Variants in KLHL2 observed in about 807,000 individuals in gnomAD.
KLHL2 encodes the protein kelch like family member 2, also known as kelch-like protein 2.
Under a neutral mutation model 75.8 loss-of-function variants are expected in KLHL2, and 15 were observed. That is an observed-to-expected ratio of 0.20 (90% CI 0.13 to 0.30). The LOEUF (loss-of-function observed/expected upper bound fraction) is 0.30. Ranked by LOEUF, KLHL2 falls within the 10% of genes least tolerant of loss-of-function variation. The pLI, the probability that KLHL2 is intolerant of heterozygous loss-of-function variation, is 1.00. For synonymous variants in KLHL2, 214 were observed against 251.9 expected, an observed-to-expected ratio of 0.85 and a Z score of 1.42; for missense variants, 381 against 741.0, an observed-to-expected ratio of 0.51 and a Z score of 5.64.
intron 5 of KLHL2, among the ~76,000 whole-genome samples, chr4:165,269,719 G>A (rs6847718): frequency 2.4e-4 from 36 of 151,290 alleles, no homozygotes; most frequent in African/African-American, 8.0e-4. Context: ...TGGGTAACCC[G>A]ACCTTTCTCT....
intron 4 of KLHL2, among the ~76,000 whole-genome samples, chr4:165,249,499 A>C (rs956112494): frequency 2.6e-5 from 4 of 151,648 alleles, no homozygotes; most frequent in African/African-American, 7.3e-5. Flanking sequence ...AAGTCTTACC[A>C]AACTGGCATC....
intron 4 of KLHL2, 81 bp downstream of exon 4, chr4:165,238,980 A>T: frequency 6.7e-7 from 1 of 1,503,676 alleles, no homozygotes; most frequent in South Asian, 1.4e-5. Flanking sequence ...CACAGTATAC[A>T]ATTTGCACCA....
chr4:165,279,705 G>T (rs1425656246), intron 5 of KLHL2: 34 of 1,355,922 alleles, frequency 2.5e-5, no homozygotes, highest in Non-Finnish European at 3.3e-5. Flanking sequence ...GGCGGCGGGA[G>T]GGGGAGGGGA....
chr4:165,314,003 A>T lies in KLHL2; in HGVS notation c.1469-23A>T, dbSNP rs761802278. The T allele has an allele frequency of 3.1e-6, 5 of 1,600,756 alleles. No homozygotes were observed. The East Asian group carries it at 9.0e-5, about 29-fold the overall frequency. On this transcript the variant is annotated intron_variant, in intron 12 of 14. Coordinates refer to ENST00000226725, the MANE Select transcript of KLHL2 (RefSeq NM_007246.4). ...AATCTCTTGTTCTTTTTGCCCCTCTATTTGGCTGGTTGTGTTTTATAGGTG... is the reference window on the plus strand; with the variant it reads ...AATCTCTTGTTCTTTTTGCCCCTCTTTTTGGCTGGTTGTGTTTTATAGGTG...
intron 1 of KLHL2, among the ~76,000 whole-genome samples, chr4:165,218,676 T>C (rs921004140): frequency 3.9e-5 from 6 of 152,212 alleles, no homozygotes; most frequent in Non-Finnish European, 5.9e-5. Context: ...TTCACTGATA[T>C]ATTCCAAGTG....
Position 165,311,976 on chromosome 4 carries a change from G to A in KLHL2, c.1339+411G>A, listed in dbSNP as rs139738921. ...AGACAATTTTTCCATGGACAGGGGT[G>A]GGTTGGGGGGATGGTTTTGGGATGA... On this transcript the variant is annotated intron_variant, in intron 11 of 14. Coordinates refer to ENST00000226725, the MANE Select transcript of KLHL2 (RefSeq NM_007246.4). Among the ~76,000 whole-genome samples, 892 of 152,224 alleles carry A rather than the reference G, an allele frequency of 5.9e-3. 10 individuals are homozygous for A. Among genetic ancestry groups the A allele is most frequent in the African/African-American group, 0.019 (770 of 41,528 alleles).
In KLHL2 at chr4:165,279,039, T is replaced by C. The variant is rs781598312; in HGVS notation, c.545-15320T>C. 185 of 1,507,998 alleles carry C rather than the reference T, an allele frequency of 1.2e-4. 1 individual carries two copies. Among genetic ancestry groups the C allele is most frequent in the Admixed American group, 6.8e-4 (41 of 59,886 alleles). The allele number at this position is 1,507,998 out of a possible 1,614,324, so 93.4% of individuals were successfully genotyped here. ...TGAATGTTGAAAAGCATAGTCCTAC[T>C]TGCATTTGTTACATCTGTACAGTGG... On this transcript the variant is annotated intron_variant, in intron 5 of 14. Transcript: ENST00000226725.
At chr4:165,235,283 C>G (rs1335761853) in intron 3 of KLHL2, among the ~76,000 whole-genome samples, 1 of 152,228 alleles carries the variant, frequency 6.6e-6, no homozygotes, top group Non-Finnish European at 1.5e-5. Context: ...TCACTGTAAC[C>G]TCCACCTCCC....
intron 5 of KLHL2, chr4:165,279,500 C>A (rs757119494): frequency 2.9e-5 from 46 of 1,569,450 alleles, no homozygotes; most frequent in Admixed American, 1.7e-5. Flanking sequence ...CCATCCTTCT[C>A]TTGGGAACTC....
At chr4:165,269,426 G>T (rs1579083444) in intron 5 of KLHL2, among the ~76,000 whole-genome samples, 1 of 152,102 alleles carries the variant, frequency 6.6e-6, no homozygotes, top group African/African-American at 2.4e-5. Flanking sequence ...TTACAATTTG[G>T]CATGTTTTTG....
chr4:165,311,100 G>T (rs943018430), intron 10 of KLHL2, among the ~76,000 whole-genome samples: 1 of 151,936 alleles, frequency 6.6e-6, no homozygotes, highest in Non-Finnish European at 1.5e-5. Flanking sequence ...TTTGTGATCC[G>T]CCCACCTCGG....
At chr4:165,303,704 A>C (rs1745517637) in intron 8 of KLHL2, among the ~76,000 whole-genome samples, 1 of 152,162 alleles carries the variant, frequency 6.6e-6, no homozygotes, top group Admixed American at 6.6e-5. Flanking sequence ...CTGGGATTAC[A>C]GGCACGCACT....
intron 5 of KLHL2, among the ~76,000 whole-genome samples, chr4:165,264,617 C>T (rs2063611): frequency 0.076 from 10,223 of 135,312 alleles, 460 homozygotes; most frequent in Middle Eastern, 0.15. Flanking sequence ...CACACACACA[C>T]GTACGTATAT....
intron 1 of KLHL2, 99 bp downstream of exon 1, chr4:165,208,001 G>C: frequency 2.4e-6 from 2 of 847,874 alleles, no homozygotes; most frequent in African/African-American, 1.8e-5. Flanking sequence ...AGCCGCCGGG[G>C]CCGGCGGGAG....
chr4:165,294,449 C>T lies in KLHL2; in HGVS notation c.635C>T (p.Thr212Ile), dbSNP rs1433929431. The T allele has an allele frequency of 1.3e-6, 2 of 1,592,010 alleles. No homozygotes were observed. Among genetic ancestry groups the T allele is most frequent in the Non-Finnish European group, 1.7e-6 (2 of 1,160,736 alleles). Residue 212 changes from threonine to isoleucine, a missense_variant, in exon 6 of 15, where the codon ACC becomes ATC. Thr to Ile is a moderately conservative substitution (Grantham distance 89). Around this residue, in one of 5 missense-constraint regions of KLHL2, gnomAD observed 111 missense variants for 150.1 expected, o/e 0.74. Transcript: ENST00000226725. ...AGCTTAATCTCAAGTGACAAACTTACCATTTCTTCAGAAGAGAAGGTAAGG... is the reference window on the plus strand; with the variant it reads ...AGCTTAATCTCAAGTGACAAACTTATCATTTCTTCAGAAGAGAAGGTAAGG... Reference protein sequence around the residue: ...VCSLISSDKLTISSEEKVFEA... With the variant: ...VCSLISSDKLIISSEEKVFEA...
intron 9 of KLHL2, among the ~76,000 whole-genome samples, chr4:165,309,768 T>A (rs1288240512): frequency 6.6e-6 from 1 of 152,214 alleles, no homozygotes; most frequent in African/African-American, 2.4e-5. Context: ...AATAGTTCGC[T>A]GGACCAAATT....
chr4:165,238,999 G>A (rs917579657), intron 4 of KLHL2, 100 bp downstream of exon 4: 9 of 1,470,180 alleles, frequency 6.1e-6, no homozygotes, highest in Non-Finnish European at 8.1e-6. Context: ...CAAAATAATA[G>A]GATTCATTGT....
rs1309210397 is a variant in KLHL2, at chr4:165,264,734, A to G, written c.544+1375A>G. 8.0e-3 allele frequency among the ~76,000 whole-genome samples: 658 copies of G among 82,068 alleles called. 9 individuals carry two copies. Among genetic ancestry groups the G allele is most frequent in the African/African-American group, 0.026 (627 of 23,882 alleles). The allele number at this position is 82,068 out of a possible 152,430, so 53.8% of individuals were successfully genotyped here. ...TATATATATATACATATATATATATATATATGTATATATATATATATATAT... is the reference window on the plus strand; with the variant it reads ...TATATATATATACATATATATATATGTATATGTATATATATATATATATAT... On this transcript the variant is annotated intron_variant, in intron 5 of 14. Transcript: ENST00000226725.
At chr4:165,276,510 CTT>C (rs929015696) in intron 5 of KLHL2, among the ~76,000 whole-genome samples, 1 of 146,648 alleles carries the variant, frequency 6.8e-6, no homozygotes, top group African/African-American at 2.5e-5. Flanking sequence ...ATCAGCCTAA[CTT>C]TTTTTTTTTT....
Sources: gnomAD v4.1 joint callset for allele counts (sites outside exome capture counted in the v4.1 genomes callset) on GRCh38, gnomAD v4.1.1 for gene constraint, gnomAD v4.1.1 regional missense constraint, MANE v1.5 for transcripts, NCBI Gene and HGNC (gene_info 2026-07-23, HGNC 2026-07-21) for gene names.